Variants in SGCD observed in about 807,000 individuals in gnomAD.
The protein encoded by SGCD is delta-sarcoglycan.
SGCD carries 18 observed loss-of-function variants against 36.6 expected under a neutral mutation model. The observed-to-expected ratio is 0.49, with a 90% CI of 0.34 to 0.73. The LOEUF is 0.73. Among genes scored for constraint, SGCD ranks in the 30% least tolerant of loss-of-function variants. SGCD has a pLI of 0.01. For synonymous variants in SGCD, 133 were observed against 130.6 expected (o/e 1.02, Z -0.12); for missense variants, 387 against 346.7 (o/e 1.12, Z -0.92).
intron 1 of SGCD, among the ~76,000 whole-genome samples, chr5:155,897,341 G>A (rs1467613772): frequency 6.6e-6 from 1 of 152,154 alleles, no homozygotes; most frequent in Non-Finnish European, 1.5e-5. Context: ...TACCATGAAT[G>A]GAGCTTGCAG....
intron 4 of SGCD, among the ~76,000 whole-genome samples, chr5:156,537,084 C>T (rs1209674405): frequency 5.9e-5 from 9 of 152,164 alleles, no homozygotes; most frequent in African/African-American, 2.2e-4. Context: ...AACTGCAAAA[C>T]ATCTACAGCA....
chr5:156,718,259 G>A (rs1464690803), intron 7 of SGCD, among the ~76,000 whole-genome samples: 9 of 152,068 alleles, frequency 5.9e-5, no homozygotes, highest in Non-Finnish European at 1.2e-4. Context: ...TGAGGAGTAC[G>A]TGAATGAAAT....
At chr5:155,813,249 T>C in the SGCD span, among the ~76,000 whole-genome samples, 6 of 151,990 alleles carry the variant, frequency 3.9e-5, no homozygotes, top group African/African-American at 1.5e-4. Context: ...TAGGCAATGG[T>C]AAGTTAGTGA....
intron 1 of SGCD, among the ~76,000 whole-genome samples, chr5:155,981,277 G>A (rs1002761676): frequency 1.8e-4 from 28 of 152,170 alleles, no homozygotes; most frequent in African/African-American, 6.0e-4. Flanking sequence ...CAGAATCCCC[G>A]ACTTGGGGCC....
intron 1 of SGCD, among the ~76,000 whole-genome samples, chr5:156,025,317 G>A (rs997791959): frequency 4.6e-5 from 7 of 152,188 alleles, no homozygotes; most frequent in African/African-American, 1.7e-4. Context: ...TATCTCATTA[G>A]TTGGAGCAAG....
intron 4 of SGCD, among the ~76,000 whole-genome samples, chr5:156,566,268 A>T (rs1160764548): frequency 6.6e-6 from 1 of 152,174 alleles, no homozygotes; most frequent in Non-Finnish European, 1.5e-5. Context: ...TTAAAAAAAC[A>T]TGTCTACCAA....
chr5:156,121,148 A>T (rs1442969046), intron 2 of SGCD, among the ~76,000 whole-genome samples: 4 of 152,172 alleles, frequency 2.6e-5, no homozygotes, highest in Admixed American at 1.3e-4. Flanking sequence ...ATATGATAAA[A>T]GATGGAAAGA....
intron 3 of SGCD, among the ~76,000 whole-genome samples, chr5:156,426,951 T>C (rs1773699867): frequency 6.6e-6 from 1 of 152,182 alleles, no homozygotes; most frequent in South Asian, 2.1e-4. Flanking sequence ...TATAGCCTTG[T>C]AGTATAATTT....
At chr5:156,256,794 A>T (rs917241178) in intron 3 of SGCD, among the ~76,000 whole-genome samples, 1 of 152,186 alleles carries the variant, frequency 6.6e-6, no homozygotes, top group African/African-American at 2.4e-5. Flanking sequence ...GGAGGTTCTC[A>T]AGGTCAAAAT....
At chr5:155,797,045 C>T in the SGCD span, among the ~76,000 whole-genome samples, 9 of 151,906 alleles carry the variant, frequency 5.9e-5, no homozygotes, top group Non-Finnish European at 8.8e-5. Context: ...ACCAATACTA[C>T]GAATAAAAAG....
chr5:156,242,062 T>C (rs1765319105), intron 3 of SGCD, among the ~76,000 whole-genome samples: 1 of 152,204 alleles, frequency 6.6e-6, no homozygotes, highest in African/African-American at 2.4e-5. Flanking sequence ...TACTTACGAA[T>C]GTTTATAACA....
At chr5:156,362,919 G>T (rs1018488538) in intron 3 of SGCD, among the ~76,000 whole-genome samples, 10 of 152,232 alleles carry the variant, frequency 6.6e-5, no homozygotes, top group Middle Eastern at 6.8e-3. Flanking sequence ...GAAATTGAAG[G>T]ACAGCATAAC....
intron 1 of SGCD, among the ~76,000 whole-genome samples, chr5:156,026,574 A>G (rs765513022): frequency 2.0e-5 from 3 of 152,224 alleles, no homozygotes; most frequent in Non-Finnish European, 2.9e-5. Context: ...TTGAGCCCAA[A>G]CTATTCAAGA....
At chr5:156,751,898 C>A (rs1757160147) in intron 7 of SGCD, among the ~76,000 whole-genome samples, 1 of 152,160 alleles carries the variant, frequency 6.6e-6, no homozygotes, top group Non-Finnish European at 1.5e-5. Flanking sequence ...ATATGCAGAT[C>A]CTTAGGAGTA....
intron 3 of SGCD, among the ~76,000 whole-genome samples, chr5:156,143,276 T>A (rs959031934): frequency 6.0e-4 from 91 of 152,136 alleles, no homozygotes; most frequent in African/African-American, 2.1e-3. Context: ...TGCCAAGATT[T>A]CAGAGGATGT....
intron 7 of SGCD, among the ~76,000 whole-genome samples, chr5:156,735,428 G>A (rs975491333): frequency 5.3e-5 from 8 of 152,194 alleles, no homozygotes; most frequent in Non-Finnish European, 7.3e-5. Context: ...TCTGTCAGCT[G>A]GAGAGCACTG....
intron 3 of SGCD, among the ~76,000 whole-genome samples, chr5:156,485,427 C>T (rs1755616417): frequency 6.6e-6 from 1 of 152,108 alleles, no homozygotes; most frequent in Non-Finnish European, 1.5e-5. Flanking sequence ...CTTTTGGAGG[C>T]CAAGGCAGGT....
chr5:156,074,537 C>G (rs1760710174), intron 1 of SGCD, among the ~76,000 whole-genome samples: 1 of 151,992 alleles, frequency 6.6e-6, no homozygotes, highest in African/African-American at 2.4e-5. Context: ...TAAAAATTAG[C>G]CGGGCGTGGT....
intron 2 of SGCD, among the ~76,000 whole-genome samples, chr5:156,121,061 G>A (rs538641048): frequency 3.9e-5 from 6 of 152,134 alleles, no homozygotes; most frequent in East Asian, 1.9e-4. Context: ...GGCAGCTGGG[G>A]TAGCTGCATA....
Sources: allele counts gnomAD v4.1 joint callset (sites outside exome capture counted in the v4.1 genomes callset), GRCh38; gene constraint gnomAD v4.1.1; transcripts MANE v1.5; gene names NCBI Gene and HGNC (gene_info 2026-07-23, HGNC 2026-07-21).